Variants in RXFP2 observed in about 807,000 individuals in gnomAD.
RXFP2 encodes relaxin receptor 2.
In RXFP2, 68 loss-of-function variants were observed where a neutral mutation model predicts 88.6. The ratio of observed to expected loss-of-function variants is 0.77; its 90% confidence interval spans 0.63 to 0.94. RXFP2 has a LOEUF of 0.94. RXFP2 is among the 40% of genes least tolerant of loss of function. The probability of loss-of-function intolerance (pLI) is 0.00; values close to 1 mark genes in which losing one functional copy is unlikely to be tolerated. For synonymous variants in RXFP2, 329 were observed against 306.8 expected (o/e 1.07, Z -0.76); for missense variants, 791 against 893.9 (o/e 0.88, Z 1.47).
intron 5 of RXFP2, among the ~76,000 whole-genome samples, chr13:31,766,432 CA>C (rs1300061432): frequency 2.0e-5 from 3 of 152,054 alleles, no homozygotes; most frequent in African/African-American, 7.2e-5. Flanking sequence ...AGATATCCCC[CA>C]GGGTGTTAGG....
rs372699189 is a variant in RXFP2, at chr13:31,795,956, G to T, written c.1787-1245G>T. Among the ~76,000 whole-genome samples the T allele has an allele frequency of 3.3e-5, 5 of 149,596 alleles. No homozygotes were observed. The East Asian group carries it at 5.8e-4, about 17-fold the overall frequency. ...TTTTTTTAATAAAATTAGTCTAAAG[G>T]TTCTGAACCACAGTAGTTTAATTTA... On this transcript the variant is annotated intron_variant, in intron 16 of 17. Coordinates refer to ENST00000298386, the MANE Select transcript of RXFP2 (RefSeq NM_130806.5).
chr13:31,787,068 G>T (rs185650348), intron 13 of RXFP2, among the ~76,000 whole-genome samples: 1 of 152,142 alleles, frequency 6.6e-6, no homozygotes, highest in East Asian at 1.9e-4. Context: ...TTAAAAAACT[G>T]TCCCACAAAT....
At chr13:31,772,625 A>G (rs1271960631) in intron 5 of RXFP2, among the ~76,000 whole-genome samples, 1 of 152,222 alleles carries the variant, frequency 6.6e-6, no homozygotes, top group Non-Finnish European at 1.5e-5. Context: ...TAGAGGATGG[A>G]GTTCAAGTTC....
chr13:31,794,943 A>G (rs1411527696), intron 16 of RXFP2, among the ~76,000 whole-genome samples: 1 of 152,162 alleles, frequency 6.6e-6, no homozygotes, highest in African/African-American at 2.4e-5. Flanking sequence ...CAATTTGCAT[A>G]TGAGAGGAAG....
At chr13:31,765,301 A>G (rs565206845) in intron 4 of RXFP2, among the ~76,000 whole-genome samples, 159 bp downstream of exon 4, 1 of 152,346 alleles carries the variant, frequency 6.6e-6, no homozygotes, top group Admixed American at 6.5e-5. Flanking sequence ...TCAGGGGGAA[A>G]AAATGGTTTA....
intron 2 of RXFP2, among the ~76,000 whole-genome samples, chr13:31,758,857 G>A (rs934223911): frequency 1.3e-5 from 2 of 151,984 alleles, no homozygotes; most frequent in African/African-American, 4.8e-5. Context: ...GGCCAACATG[G>A]TGAAACCCCG....
intron 1 of RXFP2, among the ~76,000 whole-genome samples, chr13:31,740,831 A>G (rs550606497): frequency 9.9e-5 from 15 of 152,208 alleles, no homozygotes; most frequent in African/African-American, 3.6e-4. Flanking sequence ...GAAACAATAT[A>G]TGAACTCACC....
Position 31,797,546 on chromosome 13 carries a change from A to G in RXFP2, c.2005+127A>G, listed in dbSNP as rs1052227595. 34 of 733,828 alleles carry G rather than the reference A, an allele frequency of 4.6e-5. No homozygotes were observed. The African/African-American group carries it at 5.8e-4, about 13-fold the overall frequency. 45.5% of individuals were successfully genotyped at this position (733,828 alleles called of 1,614,324 possible). On this transcript the variant is annotated intron_variant, in intron 17 of 17. Coordinates refer to ENST00000298386, the MANE Select transcript of RXFP2 (RefSeq NM_130806.5). ...AACCAATACAAAGTTATTTCCCTCCATGTTTTATAATCAGTATTATAAAAT... is the reference window on the plus strand; with the variant it reads ...AACCAATACAAAGTTATTTCCCTCCGTGTTTTATAATCAGTATTATAAAAT...
chr13:31,757,195 C>A (rs1871996085), intron 1 of RXFP2, among the ~76,000 whole-genome samples: 1 of 152,072 alleles, frequency 6.6e-6, no homozygotes, highest in South Asian at 2.1e-4. Context: ...CTAACTAGTC[C>A]TGATTTATGC....
At chr13:31,762,621 T>C (rs1373469887) in intron 3 of RXFP2, among the ~76,000 whole-genome samples, 3 of 152,192 alleles carry the variant, frequency 2.0e-5, no homozygotes, top group Admixed American at 6.5e-5. Context: ...TACAATTACA[T>C]ACATTAGTAT....
At chr13:31,740,811 T>G (rs1256081820) in intron 1 of RXFP2, among the ~76,000 whole-genome samples, 1 of 152,076 alleles carries the variant, frequency 6.6e-6, no homozygotes, top group Non-Finnish European at 1.5e-5. Context: ...AGCTAAGGAT[T>G]AACTAAGAAG....
intron 8 of RXFP2, among the ~76,000 whole-genome samples, chr13:31,777,972 T>C (rs1340268290): frequency 6.6e-6 from 1 of 152,164 alleles, no homozygotes; most frequent in African/African-American, 2.4e-5. Flanking sequence ...CAACTGATCA[T>C]ATAACATCAT....
At chr13:31,775,692 G>A (rs1234465432) in intron 7 of RXFP2, among the ~76,000 whole-genome samples, 3 of 152,272 alleles carry the variant, frequency 2.0e-5, no homozygotes, top group East Asian at 3.9e-4. Context: ...AATGTCCCTT[G>A]GGAGGAAAAA....
intron 3 of RXFP2, among the ~76,000 whole-genome samples, chr13:31,764,582 T>C (rs902491175): frequency 1.3e-5 from 2 of 152,184 alleles, no homozygotes; most frequent in African/African-American, 4.8e-5. Flanking sequence ...ATCTCAATCT[T>C]CTCATGGCTC....
chr13:31,792,720 T>A lies in RXFP2; in HGVS notation c.1418T>A (p.Ile473Asn), dbSNP rs1873852723. 6.2e-7 allele frequency: 1 copy of A among 1,614,162 alleles called. No individual in the cohort carries two copies. Among genetic ancestry groups the A allele is most frequent in the Non-Finnish European group, 8.5e-7 (1 of 1,180,014 alleles). The change falls in exon 16 of 18, where the codon ATT becomes AAT. Residue 473 changes from isoleucine to asparagine, a missense_variant. Ile to Asn is a moderately radical substitution (Grantham distance 149). Transcript: ENST00000298386. ...LMGVYLFFVG[I>N]FDIKYRGQYQ... is the part of the protein sequence containing the mutation. ...GGTGTTTACTTGTTCTTTGTTGGCA[T>A]TTTCGATATAAAATACCGAGGGCAG...
At chr13:31,777,862 A>G (rs561140868) in intron 8 of RXFP2, among the ~76,000 whole-genome samples, 1 of 152,330 alleles carries the variant, frequency 6.6e-6, no homozygotes, top group Non-Finnish European at 1.5e-5. Flanking sequence ...GAAACTTTCA[A>G]AATCTTTGTC....
chr13:31,754,480 G>A (rs918992589), intron 1 of RXFP2, among the ~76,000 whole-genome samples: 11 of 152,090 alleles, frequency 7.2e-5, no homozygotes, highest in Middle Eastern at 3.4e-3. Context: ...TCAGTGAGCC[G>A]AGATTGTGCC....
intron 9 of RXFP2, among the ~76,000 whole-genome samples, chr13:31,778,957 T>C (rs769638603): frequency 9.9e-5 from 15 of 152,066 alleles, no homozygotes; most frequent in African/African-American, 3.4e-4. Context: ...GAAAGACAAC[T>C]TAAACCTCAC....
chr13:31,791,983 T>G lies in RXFP2; in HGVS notation c.1323T>G (p.Ser441=), dbSNP rs1427789852. 5.0e-6 allele frequency: 8 copies of G among 1,614,062 alleles called. No individual in the cohort carries two copies. In the South Asian group the frequency reaches 8.8e-5, roughly 18 times the overall value. Residue 441 remains serine, a synonymous_variant, in exon 15 of 18, where the codon TCT becomes TCG. Coordinates refer to ENST00000298386, the MANE Select transcript of RXFP2 (RefSeq NM_130806.5). The stretch of plus-strand genomic sequence containing the variant: ...ATCTTTTTGTCATTGGCATGAGATC[T>G]TTCATTAAAGCTGAAAATACAACTC... The part of the protein sequence containing the change: ...FGNLFVIGMR[S]FIKAENTTHA...
Sources: allele counts gnomAD v4.1 joint callset (sites outside exome capture counted in the v4.1 genomes callset), GRCh38; gene constraint gnomAD v4.1.1; transcripts MANE v1.5; gene names NCBI Gene and HGNC (gene_info 2026-07-23, HGNC 2026-07-21).